CALD1: variants seen among roughly 807,000 people sequenced by gnomAD.
The protein encoded by CALD1 is caldesmon.
In CALD1, 33 loss-of-function variants were observed where a neutral mutation model predicts 99.9. That is an observed-to-expected ratio of 0.33 (90% CI 0.25 to 0.44). The LOEUF (loss-of-function observed/expected upper bound fraction) is 0.44. Among genes scored for constraint, CALD1 ranks in the 20% least tolerant of loss-of-function variants. The pLI is 1.00. For synonymous variants in CALD1, 310 were observed against 325.0 expected (o/e 0.95, Z 0.50); for missense variants, 861 against 962.1 (o/e 0.89, Z 1.39).
intron 3 of CALD1, among the ~76,000 whole-genome samples, chr7:134,904,558 G>C (rs1429938992): frequency 6.6e-6 from 1 of 151,930 alleles, no homozygotes; most frequent in South Asian, 2.1e-4. Flanking sequence ...CAGTGAGATG[G>C]TGTCTTAAAA....
chr7:134,846,922 C>A (rs185746102), intron 2 of CALD1, among the ~76,000 whole-genome samples: 2 of 152,316 alleles, frequency 1.3e-5, no homozygotes, highest in East Asian at 3.9e-4. Context: ...CTAATTATAT[C>A]AAATGAGAAA....
At chr7:134,892,728 A>T (rs1238573501) in intron 3 of CALD1, among the ~76,000 whole-genome samples, 3 of 152,338 alleles carry the variant, frequency 2.0e-5, no homozygotes, top group East Asian at 1.9e-4. Flanking sequence ...CAAACTTTTT[A>T]AAAAATCAAA....
chr7:134,751,830 A>G (rs1481503106), intron 1 of CALD1, among the ~76,000 whole-genome samples: 1 of 152,098 alleles, frequency 6.6e-6, no homozygotes, highest in Non-Finnish European at 1.5e-5. Flanking sequence ...ACACAAAATT[A>G]GGCGGGTGTG....
chr7:134,856,203 C>T (rs539693819), intron 2 of CALD1, among the ~76,000 whole-genome samples: 4 of 152,276 alleles, frequency 2.6e-5, no homozygotes, highest in South Asian at 4.1e-4. Context: ...AGTGCTTTAG[C>T]GAGGAAACAG....
chr7:134,802,170 A>G (rs1424217430), intron 1 of CALD1, among the ~76,000 whole-genome samples: 2 of 98,002 alleles, frequency 2.0e-5, no homozygotes, highest in Non-Finnish European at 4.7e-5. Flanking sequence ...ATATGTCAAC[A>G]TATATGTGTG....
intron 1 of CALD1, among the ~76,000 whole-genome samples, chr7:134,833,014 TGCAAGACGTGTTTTACACTTATCA>T (rs1799292988): frequency 6.6e-6 from 1 of 152,262 alleles, no homozygotes; most frequent in Non-Finnish European, 1.5e-5. Flanking sequence ...CTTATGAAGC[TGCAAGACGTGTTTTACACTTATCA>T]GCTCTATTTA....
intron 3 of CALD1, among the ~76,000 whole-genome samples, chr7:134,923,538 A>T (rs1242001705): frequency 6.6e-6 from 1 of 152,248 alleles, no homozygotes; most frequent in Non-Finnish European, 1.5e-5. Context: ...GAATTTTCAC[A>T]GAAGGAACAA....
intron 1 of CALD1, among the ~76,000 whole-genome samples, chr7:134,793,333 T>C (rs1178856309): frequency 6.6e-6 from 1 of 152,134 alleles, no homozygotes; most frequent in Non-Finnish European, 1.5e-5. Context: ...GCGCTCTGAA[T>C]CATTTGTCTC....
chr7:134,944,821 TA>T (rs1806732414), intron 7 of CALD1, among the ~76,000 whole-genome samples: 1 of 152,204 alleles, frequency 6.6e-6, no homozygotes, highest in South Asian at 2.1e-4. Context: ...AAGCCTAAAT[TA>T]AGCCACTAAA....
the CALD1 span, among the ~76,000 whole-genome samples, chr7:134,711,674 ATATATATGTGTGTGTG>A: frequency 1.2e-5 from 1 of 84,762 alleles, no homozygotes; most frequent in Non-Finnish European, 2.5e-5. Flanking sequence ...ATATATATAT[ATATATATGTGTGTGTG>A]TGTGTGTGTG....
At chr7:134,751,759 T>G (rs1236662250) in intron 1 of CALD1, among the ~76,000 whole-genome samples, 1 of 152,136 alleles carries the variant, frequency 6.6e-6, no homozygotes, top group Non-Finnish European at 1.5e-5. Context: ...GTGAATCGCT[T>G]GAGCTCAGGA....
intron 9 of CALD1, among the ~76,000 whole-genome samples, chr7:134,956,951 A>G (rs769754325): frequency 2.0e-5 from 3 of 152,172 alleles, no homozygotes; most frequent in Non-Finnish European, 4.4e-5. Flanking sequence ...GTAAAATATA[A>G]TGTTTGATTT....
intron 2 of CALD1, among the ~76,000 whole-genome samples, chr7:134,865,159 G>A (rs1007887707): frequency 6.6e-6 from 1 of 151,932 alleles, no homozygotes; most frequent in Non-Finnish European, 1.5e-5. Context: ...GGGGACTGGG[G>A]ACGTAGAAGA....
rs533794722 is a variant in CALD1, at chr7:134,910,584, T to G, written c.72-18170T>G. Among the ~76,000 whole-genome samples, 7 of 152,140 alleles carry G rather than the reference T, an allele frequency of 4.6e-5. No homozygotes were observed. In the South Asian group the frequency reaches 8.3e-4, roughly 18 times the overall value. Reference sequence around the variant, plus strand: ...GAGTTGCAGGAAAATATAGAACTGCTCTATTCATGAGCCAAGCCAAGGCCA... The same window carrying G: ...GAGTTGCAGGAAAATATAGAACTGCGCTATTCATGAGCCAAGCCAAGGCCA... On this transcript the variant is annotated intron_variant, in intron 3 of 14. Transcript: ENST00000361675.
chr7:134,711,658 CTCTATA>C, the CALD1 span, among the ~76,000 whole-genome samples: 413 of 66,882 alleles, frequency 6.2e-3, 2 homozygotes, highest in Non-Finnish European at 7.2e-3. Flanking sequence ...CTCTCTCTCT[CTCTATA>C]TATATATATA....
At position 134,965,358 on chromosome 7, in the gene CALD1, C is replaced by A; in HGVS notation, c.2348C>A (p.Ser783Tyr). ...AAGCGGAACCTCTGGGAAAAGCAAT[C>A]TGTGGATAAGGTCACTTCCCCCACT... is the stretch of plus-strand genomic sequence containing the variant. ...SSKRNLWEKQ[S>Y]VDKVTSPTKV The change falls in exon 14 of 15, where the codon TCT becomes TAT. Residue 783 changes from serine (S) to tyrosine (Y), a missense_variant. By Grantham distance (144) the Ser-to-Tyr change is moderately radical (BLOSUM62 -2). Transcript: ENST00000361675. 2 of 1,579,478 alleles carry A rather than the reference C, an allele frequency of 1.3e-6. No homozygotes were observed. The highest frequency in any genetic ancestry group is 1.7e-6 in the Non-Finnish European group (2 of 1,148,440).
chr7:134,748,715 G>GCCC (rs61241956), intron 1 of CALD1, among the ~76,000 whole-genome samples: 6 of 137,976 alleles, frequency 4.3e-5, no homozygotes, highest in Admixed American at 1.5e-4. Context: ...CCATCCCCCC[G>GCCC]CCCCCCAAAA....
chr7:134,766,873 A>G (rs988800234), intron 1 of CALD1, among the ~76,000 whole-genome samples: 3 of 152,178 alleles, frequency 2.0e-5, no homozygotes, highest in Admixed American at 6.5e-5. Flanking sequence ...CAAAATGGCC[A>G]TGGATCAAGA....
intron 1 of CALD1, among the ~76,000 whole-genome samples, chr7:134,840,175 C>T (rs1248307232): frequency 6.6e-6 from 1 of 152,156 alleles, no homozygotes; most frequent in African/African-American, 2.4e-5. Context: ...TGTAAGTTTT[C>T]ACATTTAGAT....
Sources: allele counts gnomAD v4.1 joint callset (sites outside exome capture counted in the v4.1 genomes callset), GRCh38; gene constraint gnomAD v4.1.1; transcripts MANE v1.5; gene names NCBI Gene and HGNC (gene_info 2026-07-23, HGNC 2026-07-21).